The following APBB1IP variants were observed in gnomAD, a reference collection of about 807,000 sequenced individuals.
APBB1IP encodes the protein amyloid beta A4 precursor protein-binding family B member 1-interacting protein.
APBB1IP carries 27 observed loss-of-function variants against 64.9 expected under a neutral mutation model. The ratio of observed to expected loss-of-function variants is 0.42; its 90% CI spans 0.31 to 0.57. The LOEUF is 0.57. Among genes scored for constraint, APBB1IP ranks in the 20% least tolerant of loss-of-function variants. APBB1IP has a pLI of 0.20. For synonymous variants in APBB1IP, 392 were observed against 331.0 expected (o/e 1.18, Z -2.00); for missense variants, 812 against 845.5 (o/e 0.96, Z 0.49).
chr10:26,481,511 G>A (rs909666807), intron 2 of APBB1IP, among the ~76,000 whole-genome samples: 7 of 151,964 alleles, frequency 4.6e-5, no homozygotes, highest in African/African-American at 1.7e-4. Flanking sequence ...TAGAGACAGG[G>A]TCACACTTTG....
chr10:26,489,405 G>A (rs1393344128), intron 2 of APBB1IP, among the ~76,000 whole-genome samples: 2 of 152,242 alleles, frequency 1.3e-5, no homozygotes, highest in African/African-American at 2.4e-5. Context: ...GGAAATATAC[G>A]ATGGAAAAAT....
intron 11 of APBB1IP, among the ~76,000 whole-genome samples, chr10:26,543,230 G>T (rs1052422094): frequency 6.6e-5 from 10 of 151,986 alleles, no homozygotes; most frequent in African/African-American, 1.9e-4. Flanking sequence ...ACTGTGGGAG[G>T]CTGAGGCAGG....
At chr10:26,522,073 G>C (rs1439057530) in intron 8 of APBB1IP, among the ~76,000 whole-genome samples, 1 of 152,088 alleles carries the variant, frequency 6.6e-6, no homozygotes, top group East Asian at 1.9e-4. Flanking sequence ...TAGATACGAA[G>C]AATGCCATGT....
chr10:26,500,974 G>A lies in APBB1IP; in HGVS notation c.316G>A (p.Gly106Ser), dbSNP rs1024356187. 6.2e-7 allele frequency: 1 copy of A among 1,614,130 alleles called. No homozygotes were observed. Among genetic ancestry groups the A allele is most frequent in the Non-Finnish European group, 8.5e-7 (1 of 1,180,030 alleles). ...ATCTCTACAAGCATCAATTTTCAGT[G>A]GTGCAGCCTCTCTTGGTTATGGAAC... ...SASLQASIFS[G>S]AASLGYGTNV... The change falls in exon 5 of 15, where the codon GGT becomes AGT. Residue 106 changes from glycine (G) to serine (S), a missense_variant. By Grantham distance (56) the Gly-to-Ser change is moderately conservative. This residue lies in a region of APBB1IP where 394 missense variants were observed against 413.1 expected (regional missense o/e 0.95). Transcript: ENST00000376236.
rs572383810 is a variant in APBB1IP at position 26,492,587 on chromosome 10, C to T, written c.72+189C>T. ...GGTCTGAGAAATAAAGGGAAGAGTA[C>T]AAAAGAGAGAAATTTTAAAGCTGGG... On this transcript the variant is annotated intron_variant, in intron 3 of 14. Coordinates refer to ENST00000376236, the MANE Select transcript of APBB1IP (RefSeq NM_019043.4). 2.0e-5 allele frequency among the ~76,000 whole-genome samples: 3 copies of T among 152,036 alleles called. No individual in the cohort carries two copies. The East Asian group carries it at 5.8e-4, about 29-fold the overall frequency.
At chr10:26,529,843 G>A (rs765942007) in intron 8 of APBB1IP, among the ~76,000 whole-genome samples, 4 of 152,140 alleles carry the variant, frequency 2.6e-5, no homozygotes, top group Non-Finnish European at 4.4e-5. Flanking sequence ...GTTTTGCCAT[G>A]TTAGCCAGGC....
chr10:26,470,329 G>A, intron 2 of APBB1IP, among the ~76,000 whole-genome samples: 1 of 152,184 alleles, frequency 6.6e-6, no homozygotes, highest in African/African-American at 2.4e-5. Flanking sequence ...CTGAGGACAG[G>A]AGTTTGAGAC....
intron 2 of APBB1IP, among the ~76,000 whole-genome samples, chr10:26,476,495 GT>G (rs1365798853): frequency 6.9e-6 from 1 of 144,922 alleles, no homozygotes; most frequent in African/African-American, 2.6e-5. Context: ...AAAAGAGACA[GT>G]TTTAAAAAGT....
At chr10:26,504,884 A>G (rs1264181484) in intron 6 of APBB1IP, among the ~76,000 whole-genome samples, 2 of 152,090 alleles carry the variant, frequency 1.3e-5, no homozygotes, top group African/African-American at 2.4e-5. Context: ...CCTTCTGAGT[A>G]GCTGGAACCA....
At chr10:26,467,651 A>C (rs1436498565) in intron 2 of APBB1IP, among the ~76,000 whole-genome samples, 1 of 152,216 alleles carries the variant, frequency 6.6e-6, no homozygotes, top group Non-Finnish European at 1.5e-5. Flanking sequence ...AGCTACGATC[A>C]TGCCACTGCA....
At chr10:26,491,516 G>A (rs994646487) in intron 2 of APBB1IP, among the ~76,000 whole-genome samples, 10 of 152,090 alleles carry the variant, frequency 6.6e-5, no homozygotes, top group East Asian at 3.9e-4. Flanking sequence ...CTATTTTGTC[G>A]CAAACTTTTC....
chr10:26,474,836 A>T lies in APBB1IP; in HGVS notation c.1-17491A>T, dbSNP rs561470123. On this transcript the variant is annotated intron_variant, in intron 2 of 14. Transcript: ENST00000376236. Reference sequence around the variant, plus strand: ...AAAGTTCCACTTCAGCCTGTTTATTAAGTAAGACATCTAGATCCAGGCATC... The same window carrying T: ...AAAGTTCCACTTCAGCCTGTTTATTTAGTAAGACATCTAGATCCAGGCATC... Among the ~76,000 whole-genome samples the T allele has an allele frequency of 3.3e-5, 5 of 152,380 alleles. No homozygotes were observed. The East Asian group carries it at 9.6e-4, about 29-fold the overall frequency.
intron 12 of APBB1IP, 65 bp from the exon 13 acceptor site, chr10:26,560,665 G>C: frequency 8.9e-7 from 1 of 1,124,724 alleles, no homozygotes; most frequent in South Asian, 1.6e-5. Context: ...TATGTATATT[G>C]CAATTGAGTG....
At chr10:26,486,935 C>T (rs550566027) in intron 2 of APBB1IP, among the ~76,000 whole-genome samples, 1 of 152,280 alleles carries the variant, frequency 6.6e-6, no homozygotes, top group African/African-American at 2.4e-5. Context: ...CACCTCACCC[C>T]TCATCTATCC....
intron 8 of APBB1IP, 55 bp downstream of exon 8, chr10:26,513,715 TTTTGAGACGGAGTCTCAAAGGC>T (rs1440394097): frequency 1.4e-5 from 22 of 1,543,622 alleles, no homozygotes; most frequent in Non-Finnish European, 1.6e-5. Context: ...TTTTTTTTTT[TTTTGAGACGGAGTCTCAAAGGC>T]TGGAGACAGG....
chr10:26,452,568 A>G (rs1372687588), intron 2 of APBB1IP, among the ~76,000 whole-genome samples: 3 of 152,240 alleles, frequency 2.0e-5, no homozygotes, highest in Admixed American at 6.5e-5. Context: ...AACCTATAAA[A>G]TTGGAATCAT....
chr10:26,561,064 C>CTTTTTTTTTTTTTTTTTTTTTTTTT (rs764573338), intron 13 of APBB1IP, among the ~76,000 whole-genome samples: 22 of 69,218 alleles, frequency 3.2e-4, no homozygotes, highest in Admixed American at 4.6e-4. Flanking sequence ...TTCTTTCTTT[C>CTTTTTTTTTTTTTTTTTTTTTTTTT]TTTTTTTTTT....
Position 26,533,946 on chromosome 10 carries a change from C to T in APBB1IP, c.900+421C>T, listed in dbSNP as rs182158437. Among the ~76,000 whole-genome samples, 4 of 152,016 alleles carry T rather than the reference C, an allele frequency of 2.6e-5. No homozygotes were observed. The East Asian group carries it at 7.8e-4, about 29-fold the overall frequency. ...TTACAGGAGGCGGCTCTGCCTAGCACTCTTCATGTGCTCATGGGACAGTCC... is the reference window on the plus strand; with the variant it reads ...TTACAGGAGGCGGCTCTGCCTAGCATTCTTCATGTGCTCATGGGACAGTCC... On this transcript the variant is annotated intron_variant, in intron 9 of 14. Transcript: ENST00000376236.
intron 2 of APBB1IP, among the ~76,000 whole-genome samples, chr10:26,452,854 A>G (rs901999398): frequency 2.6e-5 from 4 of 152,180 alleles, no homozygotes; most frequent in East Asian, 1.9e-4. Flanking sequence ...TCCACTCTGT[A>G]TAGCCATGTA....
Sources: gnomAD v4.1 joint callset for allele counts (sites outside exome capture counted in the v4.1 genomes callset) on GRCh38, gnomAD v4.1.1 for gene constraint, gnomAD v4.1.1 regional missense constraint, MANE v1.5 for transcripts, NCBI Gene and HGNC (gene_info 2026-07-23, HGNC 2026-07-21) for gene names.